Variants in NSMF observed in about 807,000 individuals in gnomAD.
NSMF encodes nasal embryonic LHRH factor.
NSMF carries 31 observed loss-of-function variants against 71.0 expected under a neutral mutation model. The observed-to-expected ratio is 0.44, with a 90% CI of 0.33 to 0.59. The LOEUF is 0.59. Ranked by LOEUF, NSMF falls within the 20% of genes least tolerant of loss-of-function variation. The pLI is 0.04. For missense variants in NSMF, 673 were observed against 740.5 expected, an observed-to-expected ratio of 0.91 and a Z score of 1.06; for synonymous variants, 345 against 287.1, an observed-to-expected ratio of 1.20 and a Z score of -2.04.
Position 137,449,096 on chromosome 9 carries a change from T to A in NSMF, c.*298A>T, listed in dbSNP as rs946212306. The A allele has an allele frequency of 1.6e-5, 9 of 548,974 alleles. No individual in the cohort carries two copies. Among genetic ancestry groups the A allele is most frequent in the African/African-American group, 1.3e-4 (7 of 52,768 alleles). The allele number at this position is 548,974 out of a possible 1,614,324, so 34.0% of individuals were successfully genotyped here. A position where few individuals can be genotyped will look rare whatever the true frequency, so the allele number is the denominator to read the frequency against. ...ATTGCACTTATTTCTATGAACCCCA[T>A]GGAGGGATGCCCACAGCTGAGCCTC... On this transcript the variant is annotated 3_prime_UTR_variant, in exon 16 of 16. Transcript: ENST00000371475.
At position 137,458,542 on chromosome 9, in the gene NSMF, G is replaced by T. The variant is rs763475162; in HGVS notation, c.79C>A (p.Arg27=). The change falls in exon 2 of 16, where the codon CGA becomes AGA. Residue 27 remains arginine (R), a synonymous_variant. Transcript: ENST00000371475. The part of the protein sequence containing the change: ...SSVAAKVRAA[R]AFGEYLSQSH... ...TGGGACAGGTACTCTCCAAACGCTCGGGCTGCTCTGAGGGTGGACAGAGGG... is the reference window on the plus strand; with the variant it reads ...TGGGACAGGTACTCTCCAAACGCTCTGGCTGCTCTGAGGGTGGACAGAGGG... 1.3e-6 allele frequency: 2 copies of T among 1,596,312 alleles called. No homozygotes were observed. The highest frequency in any genetic ancestry group is 1.7e-6 in the Non-Finnish European group (2 of 1,173,426).
At chr9:137,452,610 G>A (rs1564261360) in intron 10 of NSMF, 24 bp from the exon 11 acceptor site, 2 of 1,612,256 alleles carry the variant, frequency 1.2e-6, no homozygotes, top group Non-Finnish European at 1.7e-6. Flanking sequence ...CAGGCCACAA[G>A]GCCACATCAA....
At chr9:137,455,531 G>T in intron 5 of NSMF, 98 bp downstream of exon 5, 1 of 1,403,256 alleles carries the variant, frequency 7.1e-7, no homozygotes, top group Non-Finnish European at 9.9e-7. Flanking sequence ...ACTCCCTCAA[G>T]ACCCAGGTCC....
intron 3 of NSMF, 94 bp downstream of exon 3, chr9:137,457,313 T>C (rs1281855302): frequency 1.3e-6 from 2 of 1,554,456 alleles, no homozygotes; most frequent in Non-Finnish European, 1.8e-6. Flanking sequence ...GAGCACCTGT[T>C]CTCTGTTCCA....
At chr9:137,457,371 C>T (rs761607970) in intron 3 of NSMF, 36 bp downstream of exon 3, 6 of 1,612,720 alleles carry the variant, frequency 3.7e-6, no homozygotes, top group Non-Finnish European at 5.1e-6. Flanking sequence ...GGCATGCACC[C>T]CCAAACCTGT....
intron 6 of NSMF, 80 bp downstream of exon 6, chr9:137,455,159 C>G: frequency 6.8e-7 from 1 of 1,477,146 alleles, no homozygotes; most frequent in Non-Finnish European, 9.5e-7. Flanking sequence ...CCCATCAGGT[C>G]TGCCAGGGCC....
chr9:137,456,285 T>C lies in NSMF; in HGVS notation c.704+126A>G, dbSNP rs60682273. The C allele has an allele frequency of 6.4e-4, 518 of 803,714 alleles. 4 individuals carry two copies. In the African/African-American group the frequency reaches 7.9e-3, roughly 12 times the overall value. 49.8% of individuals were successfully genotyped at this position (803,714 alleles called of 1,614,324 possible). A position where few individuals can be genotyped will look rare whatever the true frequency, so the allele number is the denominator to read the frequency against. On this transcript the variant is annotated intron_variant, in intron 4 of 15. Transcript: ENST00000371475. ...CCTCCCTGGCAGGCCTGGCACAGCA[T>C]AGGCACGTGGGTCTGTTCAGAAGCA...
chr9:137,458,774 C>A (rs749909963), intron 1 of NSMF, among the ~76,000 whole-genome samples: 27 of 152,134 alleles, frequency 1.8e-4, no homozygotes, highest in Non-Finnish European at 1.9e-4. Context: ...GTCGCGAGGC[C>A]GGTCGGCTGC....
chr9:137,454,383 G>T lies in NSMF; in HGVS notation c.832+8C>A, dbSNP rs1830725335. 3 of 1,550,008 alleles carry T rather than the reference G, an allele frequency of 1.9e-6. No homozygotes were observed. The East Asian group carries it at 7.3e-5, about 38-fold the overall frequency. ...CCGCCCCCCCACCCCCGCCGCACGG[G>T]GTCTTACTCTGGGCCTTCACCCTCC... On this transcript the variant is annotated splice_region_variant and intron_variant, in intron 7 of 15. Coordinates refer to ENST00000371475, the MANE Select transcript of NSMF (RefSeq NM_001130969.3).
intron 10 of NSMF, 56 bp from the exon 11 acceptor site, chr9:137,452,642 G>A (rs1200349338): frequency 5.6e-6 from 9 of 1,609,998 alleles, no homozygotes; most frequent in Admixed American, 3.4e-5. Flanking sequence ...AGCCAGCAGC[G>A]CCACAGCACC....
intron 3 of NSMF, among the ~76,000 whole-genome samples, chr9:137,456,973 G>T (rs944182383): frequency 9.9e-5 from 15 of 152,060 alleles, no homozygotes. Context: ...GTGACTTTCT[G>T]CCTGGTGGAC....
intron 2 of NSMF, 91 bp downstream of exon 2, chr9:137,458,397 T>C: frequency 1.7e-6 from 2 of 1,167,966 alleles, no homozygotes; most frequent in Non-Finnish European, 1.2e-6. Flanking sequence ...GCGCAACCAA[T>C]GCCCCTCACG....
chr9:137,455,774 A>T, intron 4 of NSMF, 140 bp from the exon 5 acceptor site: 1 of 908,828 alleles, frequency 1.1e-6, no homozygotes, highest in Non-Finnish European at 1.8e-6. Flanking sequence ...TAACCCAGCC[A>T]CCAGCAGGAT....
At chr9:137,456,330 A>G (rs539290555) in intron 4 of NSMF, 81 bp downstream of exon 4, 2 of 1,161,938 alleles carry the variant, frequency 1.7e-6, no homozygotes, top group Admixed American at 3.4e-5. Flanking sequence ...GTAGGCCCAG[A>G]GACTGGGAAA....
chr9:137,454,542 T>G (rs1298305978), intron 6 of NSMF, 99 bp from the exon 7 acceptor site: 1 of 1,549,116 alleles, frequency 6.5e-7, no homozygotes, highest in Admixed American at 2.0e-5. Context: ...TCTCACCCCT[T>G]CGGTGTGGGA....
In NSMF at chr9:137,454,471, G is replaced by A. The variant is rs200734927; in HGVS notation, c.780-28C>T. On this transcript the variant is annotated intron_variant, in intron 6 of 15. Transcript: ENST00000371475. The stretch of plus-strand genomic sequence containing the variant: ...GGGGGAGGAAGCCAGGGGCTGAAGA[G>A]GGCCGTGAGAGGGTGACGGCAGCCC... 33 of 1,550,084 alleles carry A rather than the reference G, an allele frequency of 2.1e-5. No individual in the cohort carries two copies. The East Asian group carries it at 5.1e-4, about 24-fold the overall frequency.
At chr9:137,457,955 G>A (rs1368248317) in intron 2 of NSMF, 54 bp from the exon 3 acceptor site, 4 of 1,535,088 alleles carry the variant, frequency 2.6e-6, no homozygotes, top group African/African-American at 1.4e-5. Flanking sequence ...CCCGCTGCCG[G>A]TTTCATAGCA....
intron 12 of NSMF, 122 bp downstream of exon 12, chr9:137,452,243 C>G: frequency 1.2e-6 from 1 of 859,288 alleles, no homozygotes; most frequent in South Asian, 1.4e-5. Flanking sequence ...ACACCTCTTC[C>G]CCTTGGTCTC....
intron 13 of NSMF, 74 bp downstream of exon 13, chr9:137,450,102 T>C (rs1427069153): frequency 2.5e-6 from 4 of 1,585,716 alleles, no homozygotes; most frequent in Non-Finnish European, 3.5e-6. Flanking sequence ...GAGGAGGGGC[T>C]GTGGGGGAGG....
Sources: gnomAD v4.1 joint callset for allele counts (sites outside exome capture counted in the v4.1 genomes callset) on GRCh38, gnomAD v4.1.1 for gene constraint, MANE v1.5 for transcripts, NCBI Gene and HGNC (gene_info 2026-07-23, HGNC 2026-07-21) for gene names.